Variants in TAS2R1 observed in about 807,000 individuals in gnomAD.
TAS2R1 encodes the protein taste 2 receptor member 1, also known as taste receptor type 2 member 1.
For missense variants in TAS2R1, 370 were observed against 353.4 expected, an observed-to-expected ratio of 1.05 and a Z score of -0.38; for synonymous variants, 141 against 134.2, an observed-to-expected ratio of 1.05 and a Z score of -0.35.
At chr5:9,731,985 G>A in the TAS2R1 span, among the ~76,000 whole-genome samples, 2 of 152,240 alleles carry the variant, frequency 1.3e-5, no homozygotes, top group African/African-American at 4.8e-5. Flanking sequence ...TGCCTTCATG[G>A]TGTTTTTATT....
chr5:9,725,807 C>T, the TAS2R1 span, among the ~76,000 whole-genome samples: 3 of 152,224 alleles, frequency 2.0e-5, no homozygotes, highest in Non-Finnish European at 4.4e-5. Flanking sequence ...CTGGTGGGGA[C>T]GTGGAGAACC....
intron 1 of TAS2R1, among the ~76,000 whole-genome samples, chr5:9,707,788 T>G (rs1019212103): frequency 1.1e-4 from 16 of 151,752 alleles, no homozygotes; most frequent in African/African-American, 3.6e-4. Context: ...CTAGCACAAC[T>G]CAGGGAGGGA....
At chr5:9,878,580 G>T in the TAS2R1 span, among the ~76,000 whole-genome samples, 1 of 152,176 alleles carries the variant, frequency 6.6e-6, no homozygotes, top group Non-Finnish European at 1.5e-5. Flanking sequence ...TTAGTTTGGG[G>T]TTGTTTTTAC....
At chr5:9,654,838 A>G (rs962909170) in intron 2 of TAS2R1, among the ~76,000 whole-genome samples, 1 of 152,236 alleles carries the variant, frequency 6.6e-6, no homozygotes, top group South Asian at 2.1e-4. Context: ...TCTGGAAAAC[A>G]GTATGCCAAC....
intron 2 of TAS2R1, among the ~76,000 whole-genome samples, chr5:9,651,910 T>C (rs1229091342): frequency 6.6e-6 from 1 of 152,188 alleles, no homozygotes; most frequent in Non-Finnish European, 1.5e-5. Flanking sequence ...TCCCCATCTG[T>C]ACCAGTGGCA....
At chr5:9,782,236 T>C in the TAS2R1 span, among the ~76,000 whole-genome samples, 501 of 152,326 alleles carry the variant, frequency 3.3e-3, 4 homozygotes, top group African/African-American at 0.012. Flanking sequence ...TCTTTGGAGA[T>C]GAAAGAGAGG....
chr5:9,842,703 T>C, the TAS2R1 span, among the ~76,000 whole-genome samples: 4 of 152,068 alleles, frequency 2.6e-5, no homozygotes, highest in Admixed American at 2.0e-4. Context: ...CAAGTTTCTA[T>C]CTCTGGCTTA....
At chr5:9,870,547 C>T in the TAS2R1 span, among the ~76,000 whole-genome samples, 1 of 152,146 alleles carries the variant, frequency 6.6e-6, no homozygotes, top group Non-Finnish European at 1.5e-5. Flanking sequence ...TGAACATCTA[C>T]TATGTACATT....
chr5:9,649,253 G>A (rs1244837346), intron 2 of TAS2R1, among the ~76,000 whole-genome samples: 2 of 152,148 alleles, frequency 1.3e-5, no homozygotes, highest in African/African-American at 4.8e-5. Flanking sequence ...GAGATCAGCA[G>A]AATGTTTCTG....
the TAS2R1 span, among the ~76,000 whole-genome samples, chr5:9,778,695 C>T: frequency 2.0e-5 from 3 of 152,248 alleles, no homozygotes; most frequent in Non-Finnish European, 4.4e-5. Context: ...CCTCATGAAT[C>T]AACCTCTTCT....
the TAS2R1 span, among the ~76,000 whole-genome samples, chr5:9,865,355 A>AC: frequency 6.6e-6 from 1 of 152,256 alleles, no homozygotes; most frequent in Non-Finnish European, 1.5e-5. Context: ...ACCTTAGTAC[A>AC]CTTCCACTCT....
the TAS2R1 span, among the ~76,000 whole-genome samples, chr5:9,782,024 C>T: frequency 0.25 from 37,742 of 152,122 alleles, 5,250 homozygotes; most frequent in Middle Eastern, 0.42. Context: ...TAGCATCTGG[C>T]TCAAGCGGGT....
At chr5:9,661,564 T>A (rs776426143) in intron 1 of TAS2R1, among the ~76,000 whole-genome samples, 1 of 152,242 alleles carries the variant, frequency 6.6e-6, no homozygotes, top group African/African-American at 2.4e-5. Context: ...ATATCAGTTG[T>A]CTACAGGAAG....
the TAS2R1 span, among the ~76,000 whole-genome samples, chr5:9,786,759 A>G: frequency 3.3e-3 from 508 of 152,342 alleles, 3 homozygotes; most frequent in African/African-American, 0.012. Context: ...GTGAAATAAG[A>G]TAAAATTAAG....
chr5:9,862,992 T>A, the TAS2R1 span: 1 of 152,256 alleles, frequency 6.6e-6, no homozygotes, highest in African/African-American at 2.4e-5. Context: ...TTGACATGGC[T>A]GGCTCCAGCT....
chr5:9,707,576 G>A (rs1223439289), intron 1 of TAS2R1, among the ~76,000 whole-genome samples: 10 of 152,154 alleles, frequency 6.6e-5, no homozygotes, highest in South Asian at 4.1e-4. Flanking sequence ...CCAGCTACTC[G>A]GTAGGGTGAA....
At chr5:9,767,122 C>G in the TAS2R1 span, among the ~76,000 whole-genome samples, 1 of 152,154 alleles carries the variant, frequency 6.6e-6, no homozygotes, top group African/African-American at 2.4e-5. Context: ...CTGGAAGACA[C>G]CTGTGATTTA....
the TAS2R1 span, among the ~76,000 whole-genome samples, chr5:9,797,492 C>G: frequency 1.3e-5 from 2 of 152,020 alleles, no homozygotes; most frequent in Non-Finnish European, 2.9e-5. Context: ...TAGCAGGAGA[C>G]AGAAGAAAGC....
At chr5:9,792,704 T>G in the TAS2R1 span, among the ~76,000 whole-genome samples, 3 of 152,158 alleles carry the variant, frequency 2.0e-5, no homozygotes, top group Non-Finnish European at 4.4e-5. Flanking sequence ...GCAGCGATCA[T>G]TAATCTCATG....
Sources: allele counts gnomAD v4.1 joint callset (sites outside exome capture counted in the v4.1 genomes callset), GRCh38; gene constraint gnomAD v4.1.1; transcripts MANE v1.5; gene names NCBI Gene and HGNC (gene_info 2026-07-23, HGNC 2026-07-21).